The following DOCK4 variants were observed in gnomAD, a reference collection of about 807,000 sequenced individuals.
The protein encoded by DOCK4 is dedicator of cytokinesis protein 4.
In DOCK4, 97 loss-of-function variants were observed where a neutral mutation model predicts 268.1. The ratio of observed to expected loss-of-function variants is 0.36; its 90% CI spans 0.31 to 0.43. The LOEUF (loss-of-function observed/expected upper bound fraction) is 0.43, where lower values mean the gene tolerates loss of function less well. DOCK4 is among the 20% of genes least tolerant of loss of function. The pLI is 1.00. For missense variants in DOCK4, 2,145 were observed against 2,455.7 expected, an observed-to-expected ratio of 0.87 and a Z score of 2.67; for synonymous variants, 954 against 887.2, an observed-to-expected ratio of 1.08 and a Z score of -1.34.
At chr7:112,122,670 GAT>G (rs1488186492) in intron 1 of DOCK4, among the ~76,000 whole-genome samples, 2 of 152,130 alleles carry the variant, frequency 1.3e-5, no homozygotes, top group Non-Finnish European at 2.9e-5. Context: ...TTGAGAGGAT[GAT>G]ATATTTGAAT....
intron 27 of DOCK4, among the ~76,000 whole-genome samples, chr7:111,818,192 C>G (rs951907717): frequency 9.9e-5 from 15 of 152,196 alleles, no homozygotes; most frequent in African/African-American, 3.6e-4. Flanking sequence ...TTTCAGTCTG[C>G]ACTTTCTTCC....
intron 26 of DOCK4, among the ~76,000 whole-genome samples, chr7:111,831,690 T>C (rs995419340): frequency 3.9e-5 from 6 of 152,076 alleles, no homozygotes; most frequent in African/African-American, 1.4e-4. Flanking sequence ...TCTTGCCATA[T>C]TGCCCAGGCT....
rs190006634 is a variant in DOCK4 at position 112,151,494 on chromosome 7, T to G, written c.37+54608A>C. Among the ~76,000 whole-genome samples the G allele has an allele frequency of 2.1e-4, 32 of 152,274 alleles. No individual in the cohort carries two copies. The East Asian group carries it at 5.8e-3, about 28-fold the overall frequency. ...GGGTAAGAAAAAATCCATTTAATTT[T>G]TAGTTCACTGTGAAGGCAGGCACTG... On this transcript the variant is annotated intron_variant, in intron 1 of 52. Coordinates refer to ENST00000428084, the MANE Select transcript of DOCK4 (RefSeq NM_001363540.2).
chr7:112,184,309 AAT>A (rs2116725113), intron 1 of DOCK4, among the ~76,000 whole-genome samples: 1 of 152,266 alleles, frequency 6.6e-6, no homozygotes, highest in South Asian at 2.1e-4. Flanking sequence ...ACCACTTGCT[AAT>A]ATAACTGGGC....
intron 1 of DOCK4, among the ~76,000 whole-genome samples, chr7:112,163,434 A>G (rs1311942771): frequency 1.3e-5 from 2 of 152,026 alleles, no homozygotes; most frequent in Admixed American, 1.3e-4. Context: ...TTAATCTCCA[A>G]CTTCTCAGGT....
At chr7:111,929,327 A>T (rs1794003712) in intron 12 of DOCK4, among the ~76,000 whole-genome samples, 1 of 152,200 alleles carries the variant, frequency 6.6e-6, no homozygotes, top group Admixed American at 6.5e-5. Context: ...GTATAATGTT[A>T]ACCTTTGGGA....
chr7:111,989,381 T>A (rs1799331670), intron 5 of DOCK4, among the ~76,000 whole-genome samples: 1 of 152,228 alleles, frequency 6.6e-6, no homozygotes, highest in South Asian at 2.1e-4. Flanking sequence ...ACTGCTCTCA[T>A]GTCCAGAAAT....
intron 13 of DOCK4, among the ~76,000 whole-genome samples, chr7:111,906,868 T>C (rs1343076470): frequency 6.6e-6 from 1 of 152,146 alleles, no homozygotes; most frequent in Non-Finnish European, 1.5e-5. Flanking sequence ...TCAGAAGAAA[T>C]GCAGCCCTGA....
At chr7:112,087,269 T>TA (rs1809177454) in intron 1 of DOCK4, among the ~76,000 whole-genome samples, 1 of 152,144 alleles carries the variant, frequency 6.6e-6, no homozygotes, top group Non-Finnish European at 1.5e-5. Context: ...CTCAGGTGCC[T>TA]AATGTAGGCC....
At chr7:111,969,156 C>G (rs541495516) in intron 8 of DOCK4, among the ~76,000 whole-genome samples, 1 of 130,966 alleles carries the variant, frequency 7.6e-6, no homozygotes, top group Non-Finnish European at 1.6e-5. Context: ...CACATGTATA[C>G]ATATGTAACT....
chr7:111,915,293 A>T (rs925724664), intron 13 of DOCK4, among the ~76,000 whole-genome samples: 1 of 152,200 alleles, frequency 6.6e-6, no homozygotes, highest in African/African-American at 2.4e-5. Flanking sequence ...ACACACAAAT[A>T]GATCTAGAAA....
At chr7:112,015,497 G>A (rs750340642) in intron 1 of DOCK4, among the ~76,000 whole-genome samples, 3 of 152,084 alleles carry the variant, frequency 2.0e-5, no homozygotes, top group Admixed American at 6.5e-5. Flanking sequence ...CACTTTGCTC[G>A]GTGGACTTGC....
chr7:111,873,472 G>C (rs902582199), intron 17 of DOCK4, among the ~76,000 whole-genome samples: 2 of 152,166 alleles, frequency 1.3e-5, no homozygotes, highest in African/African-American at 2.4e-5. Flanking sequence ...CTGGCCTCAG[G>C]GCTCAGTGGA....
At chr7:111,770,059 T>C (rs536523203) in intron 36 of DOCK4, among the ~76,000 whole-genome samples, 6 of 152,164 alleles carry the variant, frequency 3.9e-5, no homozygotes, top group African/African-American at 1.4e-4. Context: ...AGTAAGTTCC[T>C]TGGGGACTAT....
intron 24 of DOCK4, among the ~76,000 whole-genome samples, chr7:111,845,358 A>C (rs1804018328): frequency 6.6e-6 from 1 of 152,226 alleles, no homozygotes; most frequent in South Asian, 2.1e-4. Flanking sequence ...TCCTATAAAA[A>C]ATGATTTTTA....
intron 52 of DOCK4, 74 bp from the exon 53 acceptor site, chr7:111,728,794 C>T (rs1045355732): frequency 7.0e-7 from 1 of 1,426,020 alleles, no homozygotes; most frequent in Non-Finnish European, 9.3e-7. Flanking sequence ...AAATGTACGC[C>T]CCGACGCGGA....
chr7:111,987,428 G>A (rs998026220), intron 6 of DOCK4, among the ~76,000 whole-genome samples: 1 of 151,826 alleles, frequency 6.6e-6, no homozygotes, highest in Non-Finnish European at 1.5e-5. Context: ...TCCTTTAAAT[G>A]AGGACCAGCA....
rs1018094534 is a variant in DOCK4 at position 111,728,200 on chromosome 7, C to G, written c.*74G>C. The G allele has an allele frequency of 4.1e-6, 5 of 1,220,842 alleles. No homozygotes were observed. The highest frequency in any genetic ancestry group is 3.4e-5 in the Admixed American group (1 of 29,536). 75.6% of individuals were successfully genotyped at this position (1,220,842 alleles called of 1,614,324 possible). A position where few individuals can be genotyped will look rare whatever the true frequency, so the allele number is the denominator to read the frequency against. ...TGAGTAAGTTATTAAAGTGCCTACACTAAATGTCTTCTCATCATACTTCTT... is the reference window on the plus strand; with the variant it reads ...TGAGTAAGTTATTAAAGTGCCTACAGTAAATGTCTTCTCATCATACTTCTT... On this transcript the variant is annotated 3_prime_UTR_variant, in exon 53 of 53. Coordinates refer to ENST00000428084, the MANE Select transcript of DOCK4 (RefSeq NM_001363540.2).
intron 1 of DOCK4, among the ~76,000 whole-genome samples, chr7:112,043,168 C>T (rs933426247): frequency 6.6e-6 from 1 of 152,046 alleles, no homozygotes; most frequent in Non-Finnish European, 1.5e-5. Flanking sequence ...AAAATAATCA[C>T]ACACTAACCA....
Sources: allele counts gnomAD v4.1 joint callset (sites outside exome capture counted in the v4.1 genomes callset), GRCh38; gene constraint gnomAD v4.1.1; transcripts MANE v1.5; gene names NCBI Gene and HGNC (gene_info 2026-07-23, HGNC 2026-07-21).